UBN1: variants seen among roughly 807,000 people sequenced by gnomAD.
The protein encoded by UBN1 is ubinuclein-1.
UBN1 carries 17 observed loss-of-function variants against 108.5 expected under a neutral mutation model. The observed-to-expected ratio is 0.16, with a 90% CI of 0.11 to 0.24. UBN1 has a LOEUF of 0.24. Ranked by LOEUF, UBN1 falls within the 10% of genes least tolerant of loss-of-function variation. The probability of loss-of-function intolerance (pLI) is 1.00; values close to 1 mark genes in which losing one functional copy is unlikely to be tolerated. For missense variants in UBN1, 1,595 were observed against 1,394.4 expected, an observed-to-expected ratio of 1.14 and a Z score of -2.29; for synonymous variants, 726 against 564.2, an observed-to-expected ratio of 1.29 and a Z score of -4.07.
intron 8 of UBN1, 107 bp downstream of exon 8, chr16:4,869,010 A>T: frequency 2.9e-6 from 3 of 1,023,162 alleles, no homozygotes; most frequent in African/African-American, 1.6e-5. Context: ...CATAAAGGTG[A>T]CCACCAAGGA....
Position 4,859,154 on chromosome 16 carries a change from C to T in UBN1, c.562C>T (p.Pro188Ser), listed in dbSNP as rs935229496. 6.2e-6 allele frequency: 10 copies of T among 1,613,050 alleles called. No individual in the cohort carries two copies. The Admixed American group carries it at 1.5e-4, about 24-fold the overall frequency. ...DFIKEKKKKSPKKRKLKEGGE... is the reference protein window; with the variant it reads ...DFIKEKKKKSSKKRKLKEGGE... ...CATTAAAGAAAAGAAGAAAAAATCT[C>T]CAAAGGTTAGAATGTGCTTGCTTTT... Residue 188 changes from proline to serine, a missense_variant, in exon 5 of 18, where the codon CCA becomes TCA. Physicochemically the swap from Pro to Ser is moderately conservative, Grantham distance 74. Transcript: ENST00000262376.
Position 4,867,831 on chromosome 16 carries a change from A to G in UBN1, c.1111-1002A>G, listed in dbSNP as rs191508624. On this transcript the variant is annotated intron_variant, in intron 7 of 17. Transcript: ENST00000262376. ...AGAGGGGTTGATCCCTTCATTCTAG[A>G]TAGTCACCTTATCACCCTTGTTTGC... is the stretch of plus-strand genomic sequence containing the variant. Among the ~76,000 whole-genome samples the G allele has an allele frequency of 2.6e-3, 402 of 152,146 alleles. 3 individuals are homozygous for G. The highest frequency in any genetic ancestry group is 9.4e-3 in the African/African-American group (388 of 41,488).
At chr16:4,854,267 T>C (rs2086691661) in intron 2 of UBN1, among the ~76,000 whole-genome samples, 1 of 151,746 alleles carries the variant, frequency 6.6e-6, no homozygotes, top group African/African-American at 2.4e-5. Context: ...TCTCCTGACC[T>C]TGTGATCCAC....
intron 7 of UBN1, among the ~76,000 whole-genome samples, chr16:4,865,470 C>T (rs1300198075): frequency 6.6e-6 from 1 of 151,904 alleles, no homozygotes; most frequent in Non-Finnish European, 1.5e-5. Flanking sequence ...CACCTGAGCC[C>T]AGGAGTTCCA....
intron 15 of UBN1, among the ~76,000 whole-genome samples, 175 bp from the exon 16 acceptor site, chr16:4,876,696 T>C (rs2087902264): frequency 6.6e-6 from 1 of 152,234 alleles, no homozygotes; most frequent in African/African-American, 2.4e-5. Context: ...AAGACTGTCC[T>C]GGATCCTGTC....
At chr16:4,864,643 G>A (rs1275998330) in intron 7 of UBN1, among the ~76,000 whole-genome samples, 2 of 152,098 alleles carry the variant, frequency 1.3e-5, no homozygotes, top group East Asian at 1.9e-4. Flanking sequence ...ATGCTCCTTT[G>A]GGTTATTGTC....
Position 4,877,758 on chromosome 16 carries a change from A to T in UBN1, c.3355+284A>T. The T allele has an allele frequency of 1.8e-6, 2 of 1,127,610 alleles. No individual in the cohort carries two copies. Among genetic ancestry groups the T allele is most frequent in the Non-Finnish European group, 1.1e-6 (1 of 923,836 alleles). The allele number at this position is 1,127,610 out of a possible 1,614,324, so 69.9% of individuals were successfully genotyped here. A position where few individuals can be genotyped will look rare whatever the true frequency, so the allele number is the denominator to read the frequency against. ...GGTGGTGCGCTTTTGTGTGCGGTGG[A>T]GGAGTTCCTAACCCTCGGCTTGTTT... On this transcript the variant is annotated intron_variant, in intron 17 of 17. Transcript: ENST00000262376. The surrounding 1 kb of genome is among the most constrained non-coding windows in gnomAD (Gnocchi z 4.3).
chr16:4,851,884 G>C (rs62036118), intron 1 of UBN1, among the ~76,000 whole-genome samples: 21,758 of 151,938 alleles, frequency 0.14, 1,772 homozygotes, highest in East Asian at 0.24. Flanking sequence ...ACACTAAACA[G>C]CAAATAACAA....
In UBN1 at chr16:4,881,470, A is replaced by G. The variant is rs1412833615; in HGVS notation, c.*1338A>G. On this transcript the variant is annotated 3_prime_UTR_variant, in exon 18 of 18. Coordinates refer to ENST00000262376, the MANE Select transcript of UBN1 (RefSeq NM_001079514.3). The stretch of plus-strand genomic sequence containing the variant: ...GGTCTGTGCCACAAGGTGAGTCTGA[A>G]CTGACTGCTCCAGCTAAGTGATCAG... 1.3e-5 allele frequency: 2 copies of G among 152,170 alleles called. No individual in the cohort carries two copies. Among genetic ancestry groups the G allele is most frequent in the African/African-American group, 4.8e-5 (2 of 41,424 alleles). The allele number at this position is 152,170 out of a possible 1,614,324, so 9.4% of individuals were successfully genotyped here.
At chr16:4,875,463 G>GC (rs929852352) in intron 15 of UBN1, 29 bp downstream of exon 15, 1 of 1,579,396 alleles carries the variant, frequency 6.3e-7, no homozygotes, top group African/African-American at 1.3e-5. Context: ...AGCCTGCCCT[G>GC]CCCCACTCAC....
rs1336535830 is a variant in UBN1 at position 4,860,854 on chromosome 16, C to A, written c.862C>A (p.Pro288Thr). Reference protein sequence around the residue: ...GLRELEGASDPLLSLFGSTSD... With the variant: ...GLRELEGASDTLLSLFGSTSD... Reference sequence around the variant, plus strand: ...GCGGGAACTGGAGGGTGCCTCTGACCCCTTGCTCTCACTCTTTGGCTCTAC... The same window carrying A: ...GCGGGAACTGGAGGGTGCCTCTGACACCTTGCTCTCACTCTTTGGCTCTAC... Residue 288 changes from proline (P) to threonine (T), a missense_variant, in exon 7 of 18, where the codon CCC becomes ACC. Coordinates refer to ENST00000262376, the MANE Select transcript of UBN1 (RefSeq NM_001079514.3). The A allele has an allele frequency of 6.2e-7, 1 of 1,614,128 alleles. No homozygotes were observed. Among genetic ancestry groups the A allele is most frequent in the Admixed American group, 1.7e-5 (1 of 60,016 alleles).
rs964871454 is a variant in UBN1 at position 4,847,616 on chromosome 16, C to G, written c.-634C>G. On this transcript the variant is annotated 5_prime_UTR_variant, in exon 1 of 18. Coordinates refer to ENST00000262376, the MANE Select transcript of UBN1 (RefSeq NM_001079514.3). ...TCGCCCCGCCCCCGGGTCTTGGACT[C>G]CGCGCCCCTCCCCTCTCGGCGCTTC... The G allele has an allele frequency of 6.6e-6, 2 of 301,358 alleles. No homozygotes were observed. Among genetic ancestry groups the G allele is most frequent in the Admixed American group, 5.7e-5 (1 of 17,556 alleles). The allele number at this position is 301,358 out of a possible 1,614,324, so 18.7% of individuals were successfully genotyped here.
Position 4,866,416 on chromosome 16 carries a change from A to T in UBN1, c.1111-2417A>T, listed in dbSNP as rs1004508342. On this transcript the variant is annotated intron_variant, in intron 7 of 17. Transcript: ENST00000262376. ...CGTGCCGTTTTACAGTAGTATCTTC[A>T]TTTGTTGATTCATTCACTCAGTCAA... Among the ~76,000 whole-genome samples the T allele has an allele frequency of 3.3e-5, 5 of 152,202 alleles. No individual in the cohort carries two copies. The South Asian group carries it at 1.0e-3, about 32-fold the overall frequency.
chr16:4,854,100 C>T (rs1423121915), intron 2 of UBN1, among the ~76,000 whole-genome samples: 3 of 152,116 alleles, frequency 2.0e-5, no homozygotes, highest in African/African-American at 4.8e-5. Context: ...GTGGCACCAT[C>T]TTGTCTCAGT....
chr16:4,875,519 T>A (rs766854252), intron 15 of UBN1, 85 bp downstream of exon 15: 72 of 1,517,558 alleles, frequency 4.7e-5, no homozygotes, highest in South Asian at 9.2e-5. Flanking sequence ...GGGTGGAGAG[T>A]GAGATCTAAA....
chr16:4,859,541 C>G (rs530733566), intron 5 of UBN1, among the ~76,000 whole-genome samples: 6 of 152,198 alleles, frequency 3.9e-5, no homozygotes, highest in African/African-American at 1.4e-4. Flanking sequence ...ACCAGTCAGC[C>G]TTAGGATCAG....
At position 4,877,312 on chromosome 16, in the gene UBN1, G is replaced by T; in HGVS notation, c.3266-73G>T. 1 of 1,553,206 alleles carries T rather than the reference G, an allele frequency of 6.4e-7. No individual in the cohort carries two copies. The highest frequency in any genetic ancestry group is 8.7e-7 in the Non-Finnish European group (1 of 1,145,210). On this transcript the variant is annotated intron_variant, in intron 16 of 17. Coordinates refer to ENST00000262376, the MANE Select transcript of UBN1 (RefSeq NM_001079514.3). The surrounding 1 kb of genome is among the most constrained non-coding windows in gnomAD (Gnocchi z 4.3). ...GGCAGGTTATCGGGGGCTTTTGGCT[G>T]CTGGAGCTGCTTTCCTGTTCCTGTC...
In UBN1 at chr16:4,868,895, C is replaced by A. The variant is rs2087467894; in HGVS notation, c.1173C>A (p.Ile391=). The part of the protein sequence containing the change: ...QKFFTQDING[I]LLDIEAQTRE... ...TCTTCACCCAGGATATTAATGGAAT[C>A]CTATTAGAGTGAGTATCGTCTGTCT... is the stretch of plus-strand genomic sequence containing the variant. Residue 391 remains isoleucine (I), a synonymous_variant, in exon 8 of 18, where the codon ATC becomes ATA. Transcript: ENST00000262376. 3 of 1,613,700 alleles carry A rather than the reference C, an allele frequency of 1.9e-6. No individual in the cohort carries two copies. The highest frequency in any genetic ancestry group is 2.2e-5 in the South Asian group (2 of 91,068).
chr16:4,858,530 A>G (rs770582011), intron 3 of UBN1, 38 bp from the exon 4 acceptor site: 18 of 1,587,122 alleles, frequency 1.1e-5, no homozygotes, highest in African/African-American at 2.7e-5. Flanking sequence ...CTGTGTGTTT[A>G]TTCAAAAAGC....
Sources: gnomAD v4.1 joint callset for allele counts (sites outside exome capture counted in the v4.1 genomes callset) on GRCh38, gnomAD v4.1.1 for gene constraint, Gnocchi (gnomAD v3.1) non-coding constraint, MANE v1.5 for transcripts, NCBI Gene and HGNC (gene_info 2026-07-23, HGNC 2026-07-21) for gene names.